RNF144A: variants seen among roughly 807,000 people sequenced by gnomAD.
RNF144A encodes ring finger protein 144A, also known as E3 ubiquitin-protein ligase RNF144A.
RNF144A carries 11 observed loss-of-function variants against 38.7 expected under a neutral mutation model. The ratio of observed to expected loss-of-function variants is 0.28; its 90% CI spans 0.18 to 0.47. The LOEUF (loss-of-function observed/expected upper bound fraction) is 0.47. Ranked by LOEUF, RNF144A falls within the 20% of genes least tolerant of loss-of-function variation. The probability of loss-of-function intolerance (pLI) is 0.99; values close to 1 mark genes in which losing one functional copy is unlikely to be tolerated. For synonymous variants in RNF144A, 149 were observed against 143.9 expected (o/e 1.04, Z -0.25); for missense variants, 316 against 377.2 (o/e 0.84, Z 1.34).
chr2:7,006,473 C>T (rs1670449568), intron 3 of RNF144A, among the ~76,000 whole-genome samples: 1 of 152,084 alleles, frequency 6.6e-6, no homozygotes, highest in African/African-American at 2.4e-5. Flanking sequence ...CACCTGCCTC[C>T]TCAATGTCAG....
intron 1 of RNF144A, among the ~76,000 whole-genome samples, chr2:6,918,911 G>C (rs1026298536): frequency 6.6e-6 from 1 of 152,148 alleles, no homozygotes; most frequent in East Asian, 1.9e-4. Flanking sequence ...GTGAGAGGGG[G>C]TCTAGCTCCT....
At chr2:7,059,042 C>G (rs1240707455) in intron 6 of RNF144A, among the ~76,000 whole-genome samples, 1 of 151,964 alleles carries the variant, frequency 6.6e-6, no homozygotes, top group African/African-American at 2.4e-5. Flanking sequence ...GGTGAAAAAC[C>G]TGTTTAAAAA....
chr2:7,058,108 C>A (rs1320183527), intron 6 of RNF144A, among the ~76,000 whole-genome samples: 3 of 151,946 alleles, frequency 2.0e-5, no homozygotes, highest in Non-Finnish European at 4.4e-5. Flanking sequence ...GTGTGCCAGG[C>A]AACAGATAAG....
chr2:7,012,614 G>A (rs1035272304), intron 3 of RNF144A, among the ~76,000 whole-genome samples: 4 of 152,172 alleles, frequency 2.6e-5, no homozygotes, highest in Non-Finnish European at 5.9e-5. Context: ...CTAGTAGTCC[G>A]CAGCGCCACT....
At chr2:6,920,821 A>G (rs540352246) in intron 1 of RNF144A, among the ~76,000 whole-genome samples, 3 of 152,354 alleles carry the variant, frequency 2.0e-5, no homozygotes, top group African/African-American at 7.2e-5. Context: ...AATTGAAGCC[A>G]CTGCTCACAT....
At chr2:7,006,112 A>G (rs1009453065) in intron 3 of RNF144A, among the ~76,000 whole-genome samples, 6 of 151,798 alleles carry the variant, frequency 4.0e-5, no homozygotes, top group Admixed American at 1.3e-4. Flanking sequence ...CCGGATCCCA[A>G]CAATCTCTGT....
intron 6 of RNF144A, among the ~76,000 whole-genome samples, chr2:7,060,402 C>T (rs1339558770): frequency 6.6e-6 from 1 of 152,114 alleles, no homozygotes; most frequent in Non-Finnish European, 1.5e-5. Flanking sequence ...CTCTGTGTGG[C>T]CATCTGTCAT....
At chr2:6,990,562 TACACACACAAACACACACACACACAC>T (rs1669294190) in intron 2 of RNF144A, among the ~76,000 whole-genome samples, 1 of 34,940 alleles carries the variant, frequency 2.9e-5, no homozygotes, top group Non-Finnish European at 9.1e-5. Context: ...GAGAGATTGC[TACACACACAAACACACACACACACAC>T]ACACACACAC....
At chr2:7,045,974 G>T (rs930021535), downstream of RNF144A, among the ~76,000 whole-genome samples, 11 of 152,148 alleles carry the variant, frequency 7.2e-5, no homozygotes, top group Non-Finnish European at 1.6e-4. Flanking sequence ...GTCTACCTAG[G>T]TACATATATT....
At chr2:7,010,599 T>C (rs943182700) in intron 3 of RNF144A, among the ~76,000 whole-genome samples, 10 of 152,106 alleles carry the variant, frequency 6.6e-5, no homozygotes, top group Admixed American at 3.3e-4. Context: ...GCACCGGAGG[T>C]ATATTAGCAA....
At chr2:6,929,923 G>A (rs1665098114) in intron 1 of RNF144A, among the ~76,000 whole-genome samples, 2 of 152,200 alleles carry the variant, frequency 1.3e-5, no homozygotes, top group Admixed American at 6.5e-5. Context: ...GGGTCCTGCT[G>A]CAGGAAGGAA....
At chr2:6,979,721 T>G (rs1668519478) in intron 2 of RNF144A, among the ~76,000 whole-genome samples, 1 of 152,098 alleles carries the variant, frequency 6.6e-6, no homozygotes, top group Admixed American at 6.5e-5. Flanking sequence ...GAGACTTAGG[T>G]TTAAGTTCTG....
At position 6,958,439 on chromosome 2, in the gene RNF144A, C is replaced by T. The variant is rs566547486; in HGVS notation, c.-12+17292C>T. Among the ~76,000 whole-genome samples the T allele has an allele frequency of 3.9e-5, 6 of 152,298 alleles. No homozygotes were observed. Among genetic ancestry groups the T allele is most frequent in the South Asian group, 2.1e-4 (1 of 4,820 alleles). On this transcript the variant is annotated intron_variant, in intron 2 of 8. Coordinates refer to ENST00000320892, the MANE Select transcript of RNF144A (RefSeq NM_014746.6). This position sits in a 1 kb window ranked among gnomAD's most constrained non-coding sequence, Gnocchi z 4.5. ...AGGTAGAGCAGCTGATTAAAGTTCTCGGGCCAGATGTCTTAGTGATTCATG... is the reference window on the plus strand; with the variant it reads ...AGGTAGAGCAGCTGATTAAAGTTCTTGGGCCAGATGTCTTAGTGATTCATG...
chr2:6,987,858 T>G lies in RNF144A; in HGVS notation c.-11-9058T>G, dbSNP rs930585386. On this transcript the variant is annotated intron_variant, in intron 2 of 8. Transcript: ENST00000320892. ...ACATTGAAATGACTAAGAGCAGCTT[T>G]CTTTCTTTTTTTGTATTTCTTACGA... 2.6e-5 allele frequency among the ~76,000 whole-genome samples: 4 copies of G among 152,258 alleles called. 1 individual carries two copies. The highest frequency in any genetic ancestry group is 5.9e-5 in the Non-Finnish European group (4 of 68,048).
chr2:6,987,037 G>T, intron 2 of RNF144A, among the ~76,000 whole-genome samples: 1 of 152,012 alleles, frequency 6.6e-6, no homozygotes, highest in Non-Finnish European at 1.5e-5. Context: ...TCTCATTCCC[G>T]GATGGGGGTC....
rs148497726 is a variant in RNF144A, at chr2:7,017,591, G to A, written c.301+2819G>A. 2.1e-3 allele frequency among the ~76,000 whole-genome samples: 316 copies of A among 152,294 alleles called. 1 individual carries two copies. Among genetic ancestry groups the A allele is most frequent in the Middle Eastern group, 0.014 (4 of 294 alleles). The stretch of plus-strand genomic sequence containing the variant: ...AAGCCACCTTTTTAAAAAGTTTTAT[G>A]CATTTTTAAGCAGGGAGTTCTTAAG... On this transcript the variant is annotated intron_variant, in intron 5 of 8. Transcript: ENST00000320892.
chr2:6,964,382 T>C (rs1419983299), intron 2 of RNF144A, among the ~76,000 whole-genome samples: 2 of 152,110 alleles, frequency 1.3e-5, no homozygotes, highest in African/African-American at 4.8e-5. Flanking sequence ...GGACTGTAAA[T>C]TAGTTCAACC....
intron 2 of RNF144A, among the ~76,000 whole-genome samples, chr2:6,963,301 G>A (rs1379664373): frequency 6.6e-6 from 1 of 152,082 alleles, no homozygotes; most frequent in Non-Finnish European, 1.5e-5. Flanking sequence ...CCAATGATTT[G>A]GGGGGCATGA....
downstream of RNF144A, among the ~76,000 whole-genome samples, chr2:7,048,600 G>A (rs777164489): frequency 2.6e-5 from 4 of 152,198 alleles, no homozygotes; most frequent in Non-Finnish European, 4.4e-5. Flanking sequence ...TGCAGAAAGG[G>A]TGTTAGGGAG....
Sources: allele counts gnomAD v4.1 joint callset (sites outside exome capture counted in the v4.1 genomes callset), GRCh38; gene constraint gnomAD v4.1.1; non-coding constraint Gnocchi (gnomAD v3.1); transcripts MANE v1.5; gene names NCBI Gene and HGNC (gene_info 2026-07-23, HGNC 2026-07-21).